COL4A1: variants seen among roughly 807,000 people sequenced by gnomAD.
The protein encoded by COL4A1 is collagen alpha-1(IV) chain.
COL4A1 carries 40 observed loss-of-function variants against 216.6 expected under a neutral mutation model. That is an observed-to-expected ratio of 0.18 (90% CI 0.14 to 0.24). The LOEUF is 0.24. Ranked by LOEUF, COL4A1 falls within the 10% of genes least tolerant of loss-of-function variation. The pLI is 1.00. For missense variants in COL4A1, 1,628 were observed against 2,196.8 expected (o/e 0.74, Z 5.18); for synonymous variants, 839 against 810.7 (o/e 1.03, Z -0.59).
At chr13:110,283,918 G>T (rs1663213832) in intron 1 of COL4A1, among the ~76,000 whole-genome samples, 1 of 152,324 alleles carries the variant, frequency 6.6e-6, no homozygotes, top group Non-Finnish European at 1.5e-5. Context: ...GGTGGCAAAA[G>T]CTCTCCCTCC....
chr13:110,291,091 T>G (rs570991520), intron 1 of COL4A1, among the ~76,000 whole-genome samples: 27 of 152,190 alleles, frequency 1.8e-4, no homozygotes, highest in Non-Finnish European at 5.9e-5. Context: ...CTCAGGACAC[T>G]TGCAGCTCCC....
intron 1 of COL4A1, chr13:110,266,093 GC>G (rs1391827266): frequency 1.3e-5 from 2 of 152,202 alleles, no homozygotes; most frequent in Non-Finnish European, 2.9e-5. Context: ...AGCAGCCCGC[GC>G]GGGGGGTGCC....
At chr13:110,242,852 C>T (rs1308301019) in intron 1 of COL4A1, 118 bp from the exon 2 acceptor site, 30 of 1,099,438 alleles carry the variant, frequency 2.7e-5, no homozygotes, top group Admixed American at 1.2e-4. Context: ...CCCTGTCCTT[C>T]GGACACAATC....
chr13:110,151,493 A>G (rs2138416584), intron 51 of COL4A1, among the ~76,000 whole-genome samples: 1 of 152,344 alleles, frequency 6.6e-6, no homozygotes, highest in African/African-American at 2.4e-5. Context: ...TTTTTGGATG[A>G]GTAACGAATT....
chr13:110,223,798 T>C (rs1025828889), intron 2 of COL4A1, among the ~76,000 whole-genome samples: 2 of 152,278 alleles, frequency 1.3e-5, no homozygotes, highest in African/African-American at 4.8e-5. Context: ...TGGGGGTTCC[T>C]GCCTGGGTGA....
chr13:110,290,555 C>T (rs919758179), intron 1 of COL4A1, among the ~76,000 whole-genome samples: 3 of 152,268 alleles, frequency 2.0e-5, no homozygotes, highest in African/African-American at 7.2e-5. Flanking sequence ...TAGCTTCACT[C>T]GCAAACTACT....
rs201012509 is a variant in COL4A1 at position 110,152,355 on chromosome 13, A to G, written c.4907T>C (p.Ile1636Thr). 1.2e-5 allele frequency: 19 copies of G among 1,614,084 alleles called. No homozygotes were observed. Among genetic ancestry groups the G allele is most frequent in the East Asian group, 2.2e-5 (1 of 44,872 alleles). ...TTACTTGAACATCTCGCTCCTCTCT[A>G]TGGTGGCGAGCCAAAAGCTGTAAGC... ...ANAYSFWLATIERSEMFKKPT... is the reference protein window; with the variant it reads ...ANAYSFWLATTERSEMFKKPT... Residue 1636 changes from isoleucine (I) to threonine (T), a missense_variant, in exon 51 of 52, where the codon ATA (isoleucine) becomes ACA (threonine). Physicochemically the swap from Ile to Thr is moderately conservative, Grantham distance 89 (BLOSUM62 -1). Coordinates refer to ENST00000375820, the MANE Select transcript of COL4A1 (RefSeq NM_001845.6).
At position 110,212,484 on chromosome 13, in the gene COL4A1, A is replaced by C. The variant is rs780642899; in HGVS notation, c.325-5T>G. ...GCCGTCTTGGCCAGGAATTCCCTGCAATGAAGAAAGTGAAAATGTAACCCA... is the reference window on the plus strand; with the variant it reads ...GCCGTCTTGGCCAGGAATTCCCTGCCATGAAGAAAGTGAAAATGTAACCCA... On this transcript the variant is annotated splice_region_variant and splice_polypyrimidine_tract_variant and intron_variant, in intron 5 of 51. Transcript: ENST00000375820. The C allele has an allele frequency of 6.2e-6, 10 of 1,614,116 alleles. No individual in the cohort carries two copies. The East Asian group carries it at 2.0e-4, about 32-fold the overall frequency.
At chr13:110,194,985 G>C in intron 22 of COL4A1, 38 bp downstream of exon 22, 1 of 1,576,888 alleles carries the variant, frequency 6.3e-7, no homozygotes, top group East Asian at 2.2e-5. Context: ...CATACGCAAA[G>C]ACACAACCAC....
chr13:110,184,220 T>TC (rs1268693693), intron 26 of COL4A1, among the ~76,000 whole-genome samples: 1 of 152,120 alleles, frequency 6.6e-6, no homozygotes, highest in African/African-American at 2.4e-5. Context: ...ACAGCCCTGT[T>TC]CCCCCTCCCC....
At chr13:110,233,598 T>C (rs1448616874) in intron 2 of COL4A1, among the ~76,000 whole-genome samples, 2 of 152,258 alleles carry the variant, frequency 1.3e-5, no homozygotes, top group East Asian at 1.9e-4. Flanking sequence ...GGAAAAGCTG[T>C]TGGCAACAAA....
chr13:110,185,947 C>T (rs1040802251), intron 26 of COL4A1, among the ~76,000 whole-genome samples: 1 of 152,188 alleles, frequency 6.6e-6, no homozygotes, highest in African/African-American at 2.4e-5. Context: ...AAATCGTCAT[C>T]GCGCTGTAGG....
At chr13:110,290,464 T>C (rs1360463610) in intron 1 of COL4A1, among the ~76,000 whole-genome samples, 1 of 152,220 alleles carries the variant, frequency 6.6e-6, no homozygotes, top group Non-Finnish European at 1.5e-5. Context: ...ACACTCAAGA[T>C]TCCCTTAAAA....
At chr13:110,156,475 G>C (rs185599715) in intron 49 of COL4A1, among the ~76,000 whole-genome samples, 13 of 152,258 alleles carry the variant, frequency 8.5e-5, no homozygotes, top group Non-Finnish European at 1.8e-4. Flanking sequence ...TCTTGGCTCA[G>C]ATGTCCAAGG....
chr13:110,184,230 C>T (rs1332439330), intron 26 of COL4A1, among the ~76,000 whole-genome samples: 1 of 152,206 alleles, frequency 6.6e-6, no homozygotes, highest in Non-Finnish European at 1.5e-5. Flanking sequence ...TCCCCCTCCC[C>T]AGAAGCCTTC....
At chr13:110,192,738 A>G in intron 23 of COL4A1, 92 bp downstream of exon 23, 1 of 1,089,414 alleles carries the variant, frequency 9.2e-7, no homozygotes, top group Non-Finnish European at 1.4e-6. Context: ...GCCGAAAATC[A>G]GGCCTTCTAT....
intron 19 of COL4A1, among the ~76,000 whole-genome samples, chr13:110,201,127 C>A (rs1879171844): frequency 6.6e-6 from 1 of 151,832 alleles, no homozygotes; most frequent in African/African-American, 2.4e-5. Context: ...TTGGAGGAGA[C>A]CTGGTCACAG....
chr13:110,253,379 ATATGTAT>A (rs1882309417), intron 1 of COL4A1, among the ~76,000 whole-genome samples: 3 of 3,428 alleles, frequency 8.8e-4, no homozygotes, highest in African/African-American at 1.7e-3. Flanking sequence ...ACATATAATT[ATATGTAT>A]TACATATACA....
At chr13:110,151,772 C>A (rs2138416885) in intron 51 of COL4A1, among the ~76,000 whole-genome samples, 1 of 152,258 alleles carries the variant, frequency 6.6e-6, no homozygotes, top group East Asian at 1.9e-4. Context: ...GGCTCCCAGT[C>A]AACTCCAGCA....
Sources: allele counts gnomAD v4.1 joint callset (sites outside exome capture counted in the v4.1 genomes callset), GRCh38; gene constraint gnomAD v4.1.1; transcripts MANE v1.5; gene names NCBI Gene and HGNC (gene_info 2026-07-23, HGNC 2026-07-21).